SH3BP5: variants seen among roughly 807,000 people sequenced by gnomAD.
SH3BP5 encodes SH3 domain binding protein 5.
A neutral mutation model predicts 43.3 loss-of-function variants in SH3BP5; 22 were observed. The observed-to-expected ratio is 0.51, with a 90% confidence interval of 0.36 to 0.73. The LOEUF is 0.73. Among genes scored for constraint, SH3BP5 ranks in the 30% least tolerant of loss-of-function variants. The pLI is 0.00. For synonymous variants in SH3BP5, 255 were observed against 225.8 expected (o/e 1.13, Z -1.16); for missense variants, 529 against 586.9 (o/e 0.90, Z 1.02).
At chr3:15,333,832 G>T (rs1227739093), upstream of SH3BP5, among the ~76,000 whole-genome samples, 1 of 152,220 alleles carries the variant, frequency 6.6e-6, no homozygotes, top group Non-Finnish European at 1.5e-5. Flanking sequence ...TTAAATCAAG[G>T]ATGAGTCAGC....
chr3:15,304,905 G>T (rs529701500), intron 2 of SH3BP5, among the ~76,000 whole-genome samples: 7 of 151,616 alleles, frequency 4.6e-5, no homozygotes, highest in African/African-American at 7.3e-5. Flanking sequence ...TGTGCACTGT[G>T]GGGGAGATAT....
At chr3:15,282,507 G>A (rs556350458) in intron 3 of SH3BP5, among the ~76,000 whole-genome samples, 15 of 151,976 alleles carry the variant, frequency 9.9e-5, no homozygotes, top group Admixed American at 2.6e-4. Context: ...CTTTAAACTC[G>A]AAATTATGTC....
intron 7 of SH3BP5, chr3:15,257,457 C>T (rs1235897344): frequency 4.4e-6 from 1 of 225,412 alleles, no homozygotes; most frequent in Non-Finnish European, 8.8e-6. Context: ...AATACATCCT[C>T]ATGTGCACAG....
Position 15,256,859 on chromosome 3 carries a change from C to T in SH3BP5, c.1144G>A (p.Glu382Lys). The T allele has an allele frequency of 6.2e-7, 1 of 1,609,806 alleles. No homozygotes were observed. The highest frequency in any genetic ancestry group is 8.5e-7 in the Non-Finnish European group (1 of 1,176,814). ...TGAGAAGGCTGCTACTCACCTCGTT[C>T]TACTTCACATTCAGGGGAGGAGGCC... ...SGASSPECEV[E>K]RGDRAEGAEN... Residue 382 changes from glutamate to lysine, a missense_variant, in exon 8 of 9, where the codon GAA (glutamate) becomes AAA (lysine). Coordinates refer to ENST00000383791, the MANE Select transcript of SH3BP5 (RefSeq NM_004844.5).
At chr3:15,314,409 T>C (rs1698135163) in intron 2 of SH3BP5, among the ~76,000 whole-genome samples, 1 of 152,112 alleles carries the variant, frequency 6.6e-6, no homozygotes, top group African/African-American at 2.4e-5. Flanking sequence ...CAGCTCCTGC[T>C]GGGAGGGGCT....
At chr3:15,339,442 T>C (rs1428056143) in intron 1 of SH3BP5, among the ~76,000 whole-genome samples, 5 of 152,158 alleles carry the variant, frequency 3.3e-5, no homozygotes, top group Non-Finnish European at 7.4e-5. Flanking sequence ...CCAGGTGCGG[T>C]GGCTCACACC....
At chr3:15,327,149 GA>G (rs1575354546) in intron 2 of SH3BP5, among the ~76,000 whole-genome samples, 1 of 152,062 alleles carries the variant, frequency 6.6e-6, no homozygotes, top group Admixed American at 6.5e-5. Flanking sequence ...TGGCGGTGGG[GA>G]GGGGGGTAGC....
intron 2 of SH3BP5, among the ~76,000 whole-genome samples, chr3:15,308,660 C>A (rs890631834): frequency 6.6e-6 from 1 of 152,148 alleles, no homozygotes; most frequent in Non-Finnish European, 1.5e-5. Context: ...ATCCCATGAA[C>A]AATGGGAGGG....
intron 4 of SH3BP5, among the ~76,000 whole-genome samples, chr3:15,263,710 T>G (rs1696534404): frequency 6.6e-6 from 1 of 152,192 alleles, no homozygotes; most frequent in Non-Finnish European, 1.5e-5. Context: ...GCAATGTTAA[T>G]TCTCTCCTTG....
intron 3 of SH3BP5, among the ~76,000 whole-genome samples, chr3:15,277,146 G>T (rs191816098): frequency 7.9e-5 from 12 of 152,082 alleles, no homozygotes; most frequent in Non-Finnish European, 1.2e-4. Flanking sequence ...ATACGAAACA[G>T]GGTTTTTTAG....
chr3:15,265,512 TCACACACACACACA>T (rs368955496), intron 4 of SH3BP5, among the ~76,000 whole-genome samples: 94 of 107,988 alleles, frequency 8.7e-4, no homozygotes, highest in African/African-American at 2.9e-3. Context: ...CGAGACTCCG[TCACACACACACACA>T]CACACACACA....
Position 15,262,264 on chromosome 3 carries a change from G to C in SH3BP5, c.521C>G (p.Thr174Ser). ...CTCCTTATGCACCAGCTCGCTCCTG[G>C]TCTTGGTCTGCTCCGCCTCCATGAC... ...QRVMEAEQTK[T>S]RSELVHKETA... The change falls in exon 5 of 9, where the codon ACC (threonine) becomes AGC (serine). Residue 174 changes from threonine (T) to serine (S), a missense_variant. Coordinates refer to ENST00000383791, the MANE Select transcript of SH3BP5 (RefSeq NM_004844.5). 6.2e-7 allele frequency: 1 copy of C among 1,614,170 alleles called. No homozygotes were observed. Among genetic ancestry groups the C allele is most frequent in the South Asian group, 1.1e-5 (1 of 91,090 alleles).
rs2125127147 is a variant in SH3BP5 at position 15,315,777 on chromosome 3, GTGC to G, written c.202-11549_202-11547del. ...GTCAAGATTCCATAACCAAAGGGAA[GTGC>G]TGCTATTTGGAGGCTGAGTTAGGGC... is the stretch of plus-strand genomic sequence containing the variant. On this transcript the variant is annotated intron_variant, in intron 2 of 8. Transcript: ENST00000383791. Among the ~76,000 whole-genome samples the G allele has an allele frequency of 1.3e-5, 2 of 152,288 alleles. 1 individual carries two copies. The highest frequency in any genetic ancestry group is 4.1e-4 in the South Asian group (2 of 4,828).
chr3:15,298,975 A>C (rs1171187305), intron 3 of SH3BP5, among the ~76,000 whole-genome samples: 1 of 152,184 alleles, frequency 6.6e-6, no homozygotes, highest in East Asian at 1.9e-4. Context: ...GCAAAAAAGA[A>C]AAAAAAGAAT....
chr3:15,265,062 G>A (rs1696584028), intron 4 of SH3BP5, among the ~76,000 whole-genome samples: 1 of 151,764 alleles, frequency 6.6e-6, no homozygotes, highest in Admixed American at 6.6e-5. Context: ...AGAAGCACAG[G>A]CTTTCTACAA....
intron 1 of SH3BP5, chr3:15,332,063 A>C (rs1017359861): frequency 2.7e-6 from 2 of 747,492 alleles, no homozygotes; most frequent in South Asian, 3.8e-5. Context: ...TCCCCGCAAT[A>C]GAGTCAGGCC....
At chr3:15,283,747 T>C (rs1697190905) in intron 3 of SH3BP5, among the ~76,000 whole-genome samples, 1 of 152,130 alleles carries the variant, frequency 6.6e-6, no homozygotes, top group South Asian at 2.1e-4. Flanking sequence ...ATAGAGCACT[T>C]TCAAGGAGAG....
rs151209669 is a variant in SH3BP5, at chr3:15,258,997, G to A, written c.723C>T (p.Gly241=). ...GGTTCTTCAGGGCCATCTTGTACTC[G>A]CCTTTTGCCAGGGTCAGTTTGGCCT... ...DLQAKLTLAK[G]EYKMALKNLE... The change falls in exon 7 of 9, where the codon GGC becomes GGT. Residue 241 remains glycine (G), a synonymous_variant. Transcript: ENST00000383791. The A allele has an allele frequency of 8.1e-6, 13 of 1,614,170 alleles. No individual in the cohort carries two copies. Among genetic ancestry groups the A allele is most frequent in the South Asian group, 2.2e-5 (2 of 91,086 alleles).
chr3:15,295,560 G>A (rs995029849), intron 3 of SH3BP5, among the ~76,000 whole-genome samples: 16 of 152,180 alleles, frequency 1.1e-4, no homozygotes, highest in Admixed American at 6.5e-4. Flanking sequence ...GCTGTGATGC[G>A]CCTTATGGAG....
Sources: allele counts gnomAD v4.1 joint callset (sites outside exome capture counted in the v4.1 genomes callset), GRCh38; gene constraint gnomAD v4.1.1; transcripts MANE v1.5; gene names NCBI Gene and HGNC (gene_info 2026-07-23, HGNC 2026-07-21).